NOTCH1: variants seen among roughly 807,000 people sequenced by gnomAD.
NOTCH1 encodes neurogenic locus notch homolog protein 1.
In NOTCH1, 37 loss-of-function variants were observed where a neutral mutation model predicts 254.8. The ratio of observed to expected loss-of-function variants is 0.15; its 90% CI spans 0.11 to 0.19. The LOEUF is 0.19. Among genes scored for constraint, NOTCH1 ranks in the 10% least tolerant of loss-of-function variants. NOTCH1 has a pLI of 1.00. For missense variants in NOTCH1, 2,972 were observed against 3,708.6 expected (o/e 0.80, Z 5.16); for synonymous variants, 1,731 against 1,618.1 (o/e 1.07, Z -1.68).
At position 136,501,872 on chromosome 9, in the gene NOTCH1, T is replaced by G. The variant is rs2133329119; in HGVS notation, c.5514A>C (p.Thr1838=). 6.2e-7 allele frequency: 1 copy of G among 1,612,450 alleles called. No homozygotes were observed. The highest frequency in any genetic ancestry group is 1.3e-5 in the African/African-American group (1 of 75,020). ...PVVLPDLDDQ[T]DHRQWTQQHL... ...GCTGCTGAGTCCACTGCCGGTGGTC[T>G]GTCTGGTCGTCCAGGTCAGGCAGAA... Residue 1838 remains threonine, a synonymous_variant, in exon 30 of 34, where the codon ACA becomes ACC. Transcript: ENST00000651671.
intron 9 of NOTCH1, 42 bp from the exon 10 acceptor site, chr9:136,516,136 C>T (rs766756018): frequency 6.1e-6 from 9 of 1,479,494 alleles, no homozygotes; most frequent in Middle Eastern, 1.7e-4. Context: ...TGTGCAACAG[C>T]ACTATGGCCC....
chr9:136,541,659 G>C (rs1323611840), intron 2 of NOTCH1, among the ~76,000 whole-genome samples: 8 of 152,362 alleles, frequency 5.3e-5, no homozygotes, highest in Non-Finnish European at 1.5e-5. Flanking sequence ...AGAGGCACCT[G>C]AGGGGTGTAT....
rs1589055271 is a variant in NOTCH1 at position 136,500,404 on chromosome 9, T to C, written c.5934+148A>G. The C allele has an allele frequency of 4.1e-6, 4 of 979,544 alleles. No individual in the cohort carries two copies. The East Asian group carries it at 1.0e-4, about 25-fold the overall frequency. The allele number at this position is 979,544 out of a possible 1,614,324, so 60.7% of individuals were successfully genotyped here. ...GCCCTCCCCCTCGCACCTCGCTGACTGCGAAGGTCCCAGGTGGAGGCACCA... is the reference window on the plus strand; with the variant it reads ...GCCCTCCCCCTCGCACCTCGCTGACCGCGAAGGTCCCAGGTGGAGGCACCA... On this transcript the variant is annotated intron_variant, in intron 31 of 33. Coordinates refer to ENST00000651671, the MANE Select transcript of NOTCH1 (RefSeq NM_017617.5).
rs562353347 is a variant in NOTCH1 at position 136,515,283 on chromosome 9, C to G, written c.2014+7G>C. On this transcript the variant is annotated splice_region_variant and intron_variant, in intron 12 of 33. Coordinates refer to ENST00000651671, the MANE Select transcript of NOTCH1 (RefSeq NM_017617.5). ...TGCAGTCAGCCCCCACGTGCAGGGCCGCTCACCTGTGTAGCCCGGCTCACA... is the reference window on the plus strand; with the variant it reads ...TGCAGTCAGCCCCCACGTGCAGGGCGGCTCACCTGTGTAGCCCGGCTCACA... 3 of 1,611,962 alleles carry G rather than the reference C, an allele frequency of 1.9e-6. No individual in the cohort carries two copies. In the Admixed American group the frequency reaches 5.0e-5, roughly 27 times the overall value.
At chr9:136,530,758 C>G (rs1843546656) in intron 2 of NOTCH1, among the ~76,000 whole-genome samples, 1 of 152,208 alleles carries the variant, frequency 6.6e-6, no homozygotes, top group Admixed American at 6.5e-5. Context: ...TTGGAGAGGC[C>G]AAGATGGTCA....
rs1367781248 is a variant in NOTCH1 at position 136,540,055 on chromosome 9, C to T, written c.140+3969G>A. Among the ~76,000 whole-genome samples the T allele has an allele frequency of 2.0e-5, 3 of 152,172 alleles. No homozygotes were observed. The South Asian group carries it at 6.2e-4, about 31-fold the overall frequency. On this transcript the variant is annotated intron_variant, in intron 2 of 33. Coordinates refer to ENST00000651671, the MANE Select transcript of NOTCH1 (RefSeq NM_017617.5). This position sits in a 1 kb window ranked among gnomAD's most constrained non-coding sequence, Gnocchi z 4.4. The stretch of plus-strand genomic sequence containing the variant: ...TAGGAATTCTGCCACTGCTGTGTGA[C>T]CCTGGGGCTGATGGCGACTTCTCTG...
At position 136,505,614 on chromosome 9, in the gene NOTCH1, G is replaced by C. The variant is rs1363126385; in HGVS notation, c.4282C>G (p.Leu1428Val). 4 of 1,612,106 alleles carry C rather than the reference G, an allele frequency of 2.5e-6. No individual in the cohort carries two copies. Among genetic ancestry groups the C allele is most frequent in the Non-Finnish European group, 2.5e-6 (3 of 1,179,624 alleles). The change falls in exon 25 of 34, where the codon CTG becomes GTG. Residue 1428 changes from leucine (L) to valine (V), a missense_variant. Physicochemically the swap from Leu to Val is conservative, Grantham distance 32. Coordinates refer to ENST00000651671, the MANE Select transcript of NOTCH1 (RefSeq NM_017617.5). ...AKFNGLLCHI[L>V]DYSFGGGAGR... ...GCCCCACCCCCGAAGCTGTAGTCCA[G>C]GATGTGGCACAAGAGCCCGTTGAAT...
At chr9:136,528,293 T>C (rs1468766620) in intron 2 of NOTCH1, among the ~76,000 whole-genome samples, 3 of 129,386 alleles carry the variant, frequency 2.3e-5, no homozygotes, top group African/African-American at 9.0e-5. Flanking sequence ...TGGCTGGCTC[T>C]GCACCCGCCA....
In NOTCH1 at chr9:136,543,648, C is replaced by T. The variant is rs567238363; in HGVS notation, c.140+376G>A. On this transcript the variant is annotated intron_variant, in intron 2 of 33. Transcript: ENST00000651671. ...GGAGGCATCACCCGCCCAGAGGAGG[C>T]GCCCCAAGTTGGCAGGGTGGTGGGG... The T allele has an allele frequency of 9.2e-4, 370 of 402,484 alleles. 2 individuals are homozygous for T. The highest frequency in any genetic ancestry group is 6.8e-3 in the African/African-American group (334 of 48,810). The allele number at this position is 402,484 out of a possible 1,614,324, so 24.9% of individuals were successfully genotyped here.
At chr9:136,499,881 A>G (rs1311432599) in intron 31 of NOTCH1, among the ~76,000 whole-genome samples, 1 of 152,200 alleles carries the variant, frequency 6.6e-6, no homozygotes, top group Non-Finnish European at 1.5e-5. Flanking sequence ...GCTCACCTAC[A>G]TTTATTTCTG....
At chr9:136,521,181 C>T (rs1460904560) in intron 4 of NOTCH1, among the ~76,000 whole-genome samples, 1 of 152,268 alleles carries the variant, frequency 6.6e-6, no homozygotes, top group East Asian at 1.9e-4. Context: ...GTCTGGCAGG[C>T]CTGAGTCATT....
chr9:136,500,587 C>T lies in NOTCH1; in HGVS notation c.5899G>A (p.Ala1967Thr), dbSNP rs1842979645. Reference protein sequence around the residue: ...QDNMGRTPLHAAVSADAQGVF... With the variant: ...QDNMGRTPLHTAVSADAQGVF... Reference sequence around the variant, plus strand: ...CCTTGTGCGTCGGCAGACACAGCCGCATGCAGCGGGGTGCGGCCCATGTTG... The same window carrying T: ...CCTTGTGCGTCGGCAGACACAGCCGTATGCAGCGGGGTGCGGCCCATGTTG... Residue 1967 changes from alanine to threonine, a missense_variant, in exon 31 of 34, where the codon GCG (alanine) becomes ACG (threonine). Transcript: ENST00000651671. The T allele has an allele frequency of 1.2e-6, 2 of 1,611,938 alleles. No homozygotes were observed. The highest frequency in any genetic ancestry group is 1.3e-5 in the African/African-American group (1 of 75,070).
chr9:136,502,776 C>T (rs1362512328), intron 27 of NOTCH1: 2 of 570,776 alleles, frequency 3.5e-6, no homozygotes, highest in East Asian at 3.0e-5. Context: ...TCGCACTGAG[C>T]TGTTAAGACA....
rs770281345 is a variant in NOTCH1, at chr9:136,505,540, G to A, written c.4356C>T (p.Pro1452=). ...PPLIEEACEL[P]ECQEDAGNKV... ...TGTTGCCCGCGTCCTCCTGGCACTC[G>A]GGCAGCTCGCACGCCTCCTCGATCA... The change falls in exon 25 of 34, where the codon CCC becomes CCT. Residue 1452 remains proline (P), a synonymous_variant. Transcript: ENST00000651671. 16 of 1,611,908 alleles carry A rather than the reference G, an allele frequency of 9.9e-6. No individual in the cohort carries two copies. Among genetic ancestry groups the A allele is most frequent in the Admixed American group, 5.0e-5 (3 of 59,962 alleles).
At chr9:136,500,410 G>A (rs1408945931) in intron 31 of NOTCH1, 142 bp downstream of exon 31, 76 of 1,025,686 alleles carry the variant, frequency 7.4e-5, no homozygotes, top group Non-Finnish European at 1.0e-4. Flanking sequence ...TGACTGCGAA[G>A]GTCCCAGGTG....
chr9:136,525,423 G>A (rs1388587391), intron 2 of NOTCH1, among the ~76,000 whole-genome samples: 4 of 152,224 alleles, frequency 2.6e-5, no homozygotes, highest in Non-Finnish European at 4.4e-5. Context: ...GCCGGGCGCC[G>A]CTCTTCCCAG....
intron 2 of NOTCH1, among the ~76,000 whole-genome samples, chr9:136,537,152 C>A: frequency 6.6e-6 from 1 of 152,182 alleles, no homozygotes; most frequent in East Asian, 1.9e-4. Context: ...CCAGAGTGAG[C>A]GCCATCTCTT....
rs370537711 is a variant in NOTCH1, at chr9:136,506,707, G to A, written c.3901+9C>T. The A allele has an allele frequency of 3.4e-5, 54 of 1,596,380 alleles. No homozygotes were observed. The highest frequency in any genetic ancestry group is 9.4e-5 in the African/African-American group (7 of 74,658). The stretch of plus-strand genomic sequence containing the variant: ...CCACACGCCCCACCCGCCTGGGCGC[G>A]GCACCCACCGGTGTGACCAGCACGG... On this transcript the variant is annotated intron_variant, in intron 23 of 33. Transcript: ENST00000651671. The surrounding 1 kb of genome is among the most constrained non-coding windows in gnomAD (Gnocchi z 4.5).
At chr9:136,524,838 A>G (rs1470676734) in intron 2 of NOTCH1, among the ~76,000 whole-genome samples, 1 of 151,954 alleles carries the variant, frequency 6.6e-6, no homozygotes, top group Non-Finnish European at 1.5e-5. Flanking sequence ...GGGTTTCACC[A>G]TGTTGGCCAG....
Sources: gnomAD v4.1 joint callset for allele counts (sites outside exome capture counted in the v4.1 genomes callset) on GRCh38, gnomAD v4.1.1 for gene constraint, Gnocchi (gnomAD v3.1) non-coding constraint, MANE v1.5 for transcripts, NCBI Gene and HGNC (gene_info 2026-07-23, HGNC 2026-07-21) for gene names.